SAMTOR: variants seen among roughly 807,000 people sequenced by gnomAD.
SAMTOR encodes the protein S-adenosylmethionine sensor upstream of mTORC1, also known as UPF0532 protein C7orf60.
the SAMTOR span, among the ~76,000 whole-genome samples, chr7:112,931,354 ATC>A: frequency 0.25 from 37,562 of 151,930 alleles, 6,298 homozygotes; most frequent in Non-Finnish European, 0.37. Context: ...TAAACTTAAT[ATC>A]TACAAACACT....
chr7:112,907,096 T>C, the SAMTOR span, among the ~76,000 whole-genome samples: 7 of 152,210 alleles, frequency 4.6e-5, no homozygotes, highest in South Asian at 4.2e-4. Context: ...CAGAACAGCA[T>C]TGTAAGTCTT....
At chr7:112,924,634 T>C in the SAMTOR span, among the ~76,000 whole-genome samples, 1 of 152,158 alleles carries the variant, frequency 6.6e-6, no homozygotes, top group Non-Finnish European at 1.5e-5. Flanking sequence ...AACATTTGGG[T>C]AGTGACTGGC....
At chr7:112,853,731 C>T in the SAMTOR span, among the ~76,000 whole-genome samples, 1 of 152,088 alleles carries the variant, frequency 6.6e-6, no homozygotes, top group East Asian at 1.9e-4. Flanking sequence ...TGGGAGATAA[C>T]AGTAGGCTAT....
At chr7:112,876,099 T>G in the SAMTOR span, among the ~76,000 whole-genome samples, 1 of 152,158 alleles carries the variant, frequency 6.6e-6, no homozygotes, top group Non-Finnish European at 1.5e-5. Flanking sequence ...TAACTGGGAC[T>G]ACAGGCACAT....
the SAMTOR span, among the ~76,000 whole-genome samples, chr7:112,908,578 C>A: frequency 6.6e-6 from 1 of 152,116 alleles, no homozygotes; most frequent in African/African-American, 2.4e-5. Context: ...ATACCAAATA[C>A]AGTAATTCTC....
chr7:112,875,593 C>T, the SAMTOR span, among the ~76,000 whole-genome samples: 2 of 152,022 alleles, frequency 1.3e-5, no homozygotes, highest in African/African-American at 4.8e-5. Flanking sequence ...TCTGAATTTC[C>T]CTCAAGGCAT....
the SAMTOR span, among the ~76,000 whole-genome samples, chr7:112,903,974 C>T: frequency 2.6e-4 from 39 of 151,586 alleles, no homozygotes; most frequent in African/African-American, 8.5e-4. Context: ...AAAAAAAAAG[C>T]GGGTACTTTA....
At chr7:112,833,964 A>G in the SAMTOR span, among the ~76,000 whole-genome samples, 1 of 152,236 alleles carries the variant, frequency 6.6e-6, no homozygotes, top group Admixed American at 6.5e-5. Context: ...CACTATCCCT[A>G]TTTTAGTCAC....
At chr7:112,822,647 G>A in the SAMTOR span, among the ~76,000 whole-genome samples, 1 of 151,936 alleles carries the variant, frequency 6.6e-6, no homozygotes, top group South Asian at 2.1e-4. Context: ...ATTTTGGGTT[G>A]GGACTTACAT....
At chr7:112,915,717 A>G in the SAMTOR span, among the ~76,000 whole-genome samples, 1 of 152,202 alleles carries the variant, frequency 6.6e-6, no homozygotes, top group African/African-American at 2.4e-5. Context: ...ATGAATGATA[A>G]CAGATTTGTG....
the SAMTOR span, among the ~76,000 whole-genome samples, chr7:112,890,708 A>T: frequency 6.6e-6 from 1 of 151,362 alleles, no homozygotes; most frequent in Non-Finnish European, 1.5e-5. Context: ...TTTTTTTAAG[A>T]CAGGGTATCA....
At chr7:112,900,159 T>C in the SAMTOR span, among the ~76,000 whole-genome samples, 1 of 152,192 alleles carries the variant, frequency 6.6e-6, no homozygotes, top group Admixed American at 6.5e-5. Flanking sequence ...AGAAGAGATT[T>C]GTAATAAGGA....
chr7:112,896,774 T>C, the SAMTOR span, among the ~76,000 whole-genome samples: 1 of 152,180 alleles, frequency 6.6e-6, no homozygotes, highest in East Asian at 1.9e-4. Context: ...CAAAGATAGT[T>C]ATTTCTATAA....
At chr7:112,884,218 C>G in the SAMTOR span, among the ~76,000 whole-genome samples, 1 of 152,228 alleles carries the variant, frequency 6.6e-6, no homozygotes, top group South Asian at 2.1e-4. Context: ...AACTAGAATT[C>G]AAGATGAGAT....
chr7:112,898,358 C>A, the SAMTOR span, among the ~76,000 whole-genome samples: 1 of 152,230 alleles, frequency 6.6e-6, no homozygotes, highest in South Asian at 2.1e-4. Flanking sequence ...GCCTCCATCA[C>A]CCCTCCCCTC....
the SAMTOR span, among the ~76,000 whole-genome samples, chr7:112,885,030 A>G: frequency 6.6e-6 from 1 of 152,208 alleles, no homozygotes; most frequent in African/African-American, 2.4e-5. Flanking sequence ...CAGGCTCAAC[A>G]CCATGTGGAA....
chr7:112,908,578 C>G, the SAMTOR span, among the ~76,000 whole-genome samples: 1 of 152,116 alleles, frequency 6.6e-6, no homozygotes, highest in East Asian at 1.9e-4. Flanking sequence ...ATACCAAATA[C>G]AGTAATTCTC....
the SAMTOR span, among the ~76,000 whole-genome samples, chr7:112,831,516 C>T: frequency 6.6e-6 from 1 of 152,022 alleles, no homozygotes; most frequent in African/African-American, 2.4e-5. Flanking sequence ...GTTAGCTGGG[C>T]GTGGTGGTAC....
chr7:112,864,281 G>A, the SAMTOR span, among the ~76,000 whole-genome samples: 6 of 152,006 alleles, frequency 3.9e-5, no homozygotes, highest in African/African-American at 4.8e-5. Context: ...TAACTAATGG[G>A]TACTAGGCTT....
Sources: allele counts gnomAD v4.1 joint callset (sites outside exome capture counted in the v4.1 genomes callset), GRCh38; gene constraint gnomAD v4.1.1; transcripts MANE v1.5; gene names NCBI Gene and HGNC (gene_info 2026-07-23, HGNC 2026-07-21).